The following ELL variants were observed in gnomAD, a reference collection of about 807,000 sequenced individuals.
ELL encodes RNA polymerase II elongation factor ELL.
Under a neutral mutation model 64.0 loss-of-function variants are expected in ELL, and 18 were observed. The observed-to-expected ratio is 0.28, with a 90% CI of 0.19 to 0.42. The LOEUF (loss-of-function observed/expected upper bound fraction) is 0.42, where lower values mean the gene tolerates loss of function less well. ELL is among the 10% of genes least tolerant of loss of function. The probability of loss-of-function intolerance (pLI) is 1.00; values close to 1 mark genes in which losing one functional copy is unlikely to be tolerated. For synonymous variants in ELL, 399 were observed against 376.2 expected (o/e 1.06, Z -0.70); for missense variants, 797 against 870.4 (o/e 0.92, Z 1.06).
rs1256166569 is a variant in ELL at position 18,446,390 on chromosome 19, G to A, written c.1623C>T (p.Ala541=). ...ACCGCCGCGTGATGCGCTCAATGCG[G>A]GCGTGCAGGTCGCGGTACTCGCTGT... ...AEYSEYRDLH[A]RIERITRRFT... The change falls in exon 10 of 12, where the codon GCC becomes GCT. Residue 541 remains alanine (A), a synonymous_variant. Transcript: ENST00000262809. 1 of 1,611,768 alleles carries A rather than the reference G, an allele frequency of 6.2e-7. No individual in the cohort carries two copies. The highest frequency in any genetic ancestry group is 1.3e-5 in the African/African-American group (1 of 75,058).
At chr19:18,499,453 C>T (rs536584004) in intron 1 of ELL, among the ~76,000 whole-genome samples, 7 of 152,156 alleles carry the variant, frequency 4.6e-5, no homozygotes, top group South Asian at 2.1e-4. Flanking sequence ...CTGTAAGCTT[C>T]TAAATGCTGG....
intron 1 of ELL, among the ~76,000 whole-genome samples, chr19:18,491,247 T>A (rs2144954297): frequency 8.8e-6 from 1 of 113,688 alleles, no homozygotes; most frequent in Admixed American, 1.1e-4. Flanking sequence ...CACACCTGGC[T>A]AATTTTTTTT....
intron 1 of ELL, among the ~76,000 whole-genome samples, chr19:18,518,923 C>T (rs1480033459): frequency 1.3e-5 from 2 of 152,142 alleles, no homozygotes; most frequent in Non-Finnish European, 2.9e-5. Flanking sequence ...CCAGAGCCCT[C>T]TGGGGAGAGA....
In ELL at chr19:18,461,588, A is replaced by C; in HGVS notation, c.734T>G (p.Leu245Arg). 3.1e-6 allele frequency: 5 copies of C among 1,599,634 alleles called. No homozygotes were observed. The highest frequency in any genetic ancestry group is 1.1e-5 in the South Asian group (1 of 90,860). The change falls in exon 5 of 12, where the codon CTC becomes CGC. Residue 245 changes from leucine (L) to arginine (R), a missense_variant. Physicochemically the swap from Leu to Arg is moderately radical, Grantham distance 102. Coordinates refer to ENST00000262809, the MANE Select transcript of ELL (RefSeq NM_006532.4). ...CGGGGCGGCACCCACCTGCTGGAGG[A>C]GGCCATCCAGCGCGTCCTTGTCCGC... ...TQADKDALDG[L>R]LQQVANMSAK...
At chr19:18,447,500 G>A (rs543103484) in intron 8 of ELL, among the ~76,000 whole-genome samples, 10 of 152,368 alleles carry the variant, frequency 6.6e-5, no homozygotes, top group South Asian at 2.1e-4. Context: ...CCATGATGAC[G>A]CTCAGCCCTT....
intron 1 of ELL, among the ~76,000 whole-genome samples, chr19:18,490,211 CA>C (rs1434958058): frequency 4.6e-5 from 7 of 151,562 alleles, no homozygotes; most frequent in African/African-American, 1.5e-4. Flanking sequence ...CCCTCCCCCC[CA>C]CCCACGCCTA....
intron 1 of ELL, among the ~76,000 whole-genome samples, chr19:18,483,933 C>A (rs1364098585): frequency 6.6e-6 from 1 of 152,224 alleles, no homozygotes; most frequent in Non-Finnish European, 1.5e-5. Flanking sequence ...GCAACCCATG[C>A]CTGGCACAAG....
chr19:18,504,534 C>T (rs796622264), intron 1 of ELL, among the ~76,000 whole-genome samples: 3 of 152,268 alleles, frequency 2.0e-5, no homozygotes, highest in African/African-American at 7.2e-5. Context: ...AGCCTGGGTC[C>T]GGTCATCAGA....
At chr19:18,513,834 G>C (rs1027620567) in intron 1 of ELL, among the ~76,000 whole-genome samples, 1 of 152,028 alleles carries the variant, frequency 6.6e-6, no homozygotes, top group Non-Finnish European at 1.5e-5. Context: ...AAGAGGCTGA[G>C]GCAGGAGAAT....
At chr19:18,502,487 C>A (rs990474899) in intron 1 of ELL, among the ~76,000 whole-genome samples, 1 of 152,154 alleles carries the variant, frequency 6.6e-6, no homozygotes, top group African/African-American at 2.4e-5. Flanking sequence ...CAGCGGGCAC[C>A]CCCACCACCA....
intron 1 of ELL, among the ~76,000 whole-genome samples, chr19:18,485,355 C>T (rs1183383224): frequency 6.6e-6 from 1 of 152,172 alleles, no homozygotes; most frequent in Non-Finnish European, 1.5e-5. Context: ...AGCTCAACTG[C>T]TATTAGAGCG....
At chr19:18,518,233 C>T (rs1976170282) in intron 1 of ELL, among the ~76,000 whole-genome samples, 1 of 152,086 alleles carries the variant, frequency 6.6e-6, no homozygotes. Context: ...GGCACGATGG[C>T]TCACTCTTGT....
At chr19:18,474,515 A>G (rs4808804) in intron 1 of ELL, among the ~76,000 whole-genome samples, 77,688 of 152,126 alleles carry the variant, frequency 0.51, 23,884 homozygotes, top group African/African-American at 0.88. Context: ...TGCTTCTCAA[A>G]CACGCCACCC....
At chr19:18,485,081 A>G (rs1267226747) in intron 1 of ELL, among the ~76,000 whole-genome samples, 4 of 152,194 alleles carry the variant, frequency 2.6e-5, no homozygotes, top group Admixed American at 6.5e-5. Flanking sequence ...TCCCCTCATC[A>G]GAGCCCAGGC....
At chr19:18,521,771 G>T in intron 1 of ELL, 150 bp downstream of exon 1, 1 of 1,232,212 alleles carries the variant, frequency 8.1e-7, no homozygotes. Context: ...AGGCCGGACT[G>T]GCGCCCACTC....
Position 18,446,371 on chromosome 19 carries a change from G to C in ELL, c.1642C>G (p.Arg548Gly), listed in dbSNP as rs771464157. ...DLHARIERIT[R>G]RFTQLDAQLR... ...TGGGCGTCGAGCTGGGTGAACCGCC[G>C]CGTGATGCGCTCAATGCGGGCGTGC... The change falls in exon 10 of 12, where the codon CGG becomes GGG. Residue 548 changes from arginine to glycine, a missense_variant. Physicochemically the swap from Arg to Gly is moderately radical, Grantham distance 125. Coordinates refer to ENST00000262809, the MANE Select transcript of ELL (RefSeq NM_006532.4). 1.2e-6 allele frequency: 2 copies of C among 1,609,416 alleles called. No individual in the cohort carries two copies. Among genetic ancestry groups the C allele is most frequent in the African/African-American group, 2.7e-5 (2 of 75,034 alleles).
At chr19:18,465,599 G>T in intron 3 of ELL, 24 bp from the exon 4 acceptor site, 1 of 1,565,622 alleles carries the variant, frequency 6.4e-7, no homozygotes, top group Non-Finnish European at 8.7e-7. Flanking sequence ...CCAGGAGCTG[G>T]GGTCAGCAGC....
chr19:18,457,691 CCT>C (rs1206305072), intron 6 of ELL, among the ~76,000 whole-genome samples: 1 of 152,224 alleles, frequency 6.6e-6, no homozygotes, highest in Admixed American at 6.5e-5. Context: ...CCACTGCTCC[CCT>C]GAGCTGCTGC....
chr19:18,461,939 A>G, intron 4 of ELL, 87 bp from the exon 5 acceptor site: 1 of 1,507,224 alleles, frequency 6.6e-7, no homozygotes, highest in East Asian at 2.3e-5. Flanking sequence ...CAGAGGTTTG[A>G]GACTATAGAC....
Sources: gnomAD v4.1 joint callset for allele counts (sites outside exome capture counted in the v4.1 genomes callset) on GRCh38, gnomAD v4.1.1 for gene constraint, MANE v1.5 for transcripts, NCBI Gene and HGNC (gene_info 2026-07-23, HGNC 2026-07-21) for gene names.